EYS: variants seen among roughly 807,000 people sequenced by gnomAD.
The protein encoded by EYS is protein eyes shut homolog.
EYS carries 250 observed loss-of-function variants against 282.1 expected under a neutral mutation model. That is an observed-to-expected ratio of 0.89 (90% CI 0.80 to 0.98). The LOEUF is 0.98. EYS is among the 50% of genes least tolerant of loss of function. The probability of loss-of-function intolerance (pLI) is 0.00; values close to 1 mark genes in which losing one functional copy is unlikely to be tolerated. For synonymous variants in EYS, 1,355 were observed against 1,282.9 expected (o/e 1.06, Z -1.20); for missense variants, 4,016 against 3,709.0 (o/e 1.08, Z -2.15).
chr6:64,204,613 A>G (rs1282532567), intron 31 of EYS, among the ~76,000 whole-genome samples: 1 of 152,200 alleles, frequency 6.6e-6, no homozygotes, highest in Non-Finnish European at 1.5e-5. Flanking sequence ...ACTATATAGT[A>G]GTTTCATTTA....
intron 8 of EYS, among the ~76,000 whole-genome samples, chr6:65,384,067 T>C (rs1276168512): frequency 6.6e-6 from 1 of 151,908 alleles, no homozygotes; most frequent in Non-Finnish European, 1.5e-5. Context: ...CTAGACTGAT[T>C]TTATTTCTCA....
At chr6:65,371,708 C>CT (rs1765145900) in intron 8 of EYS, among the ~76,000 whole-genome samples, 1 of 119,118 alleles carries the variant, frequency 8.4e-6, no homozygotes, top group African/African-American at 3.5e-5. Context: ...TCTCTCTCTC[C>CT]CTCTCTCTCT....
rs79923840 is a variant in EYS at position 64,871,200 on chromosome 6, A to G, written c.2992+15497T>C. Among the ~76,000 whole-genome samples the G allele has an allele frequency of 4.1e-3, 617 of 151,958 alleles. 3 individuals are homozygous for G. The highest frequency in any genetic ancestry group is 7.0e-3 in the Non-Finnish European group (477 of 67,868). ...ACATCTAATAAATATCTTTTACATA[A>G]TATTATTTGCATAACATGCCATTTG... On this transcript the variant is annotated intron_variant, in intron 19 of 42. Transcript: ENST00000503581.
intron 13 of EYS, among the ~76,000 whole-genome samples, chr6:65,002,254 T>C (rs1347633189): frequency 6.8e-6 from 1 of 147,610 alleles, no homozygotes; most frequent in Non-Finnish European, 1.5e-5. Flanking sequence ...TCAGAAATGA[T>C]ACAATACTGA....
chr6:64,742,412 G>T (rs1772407195), intron 22 of EYS, among the ~76,000 whole-genome samples: 1 of 152,114 alleles, frequency 6.6e-6, no homozygotes, highest in Non-Finnish European at 1.5e-5. Flanking sequence ...TTACCAAAAA[G>T]TGACCCAGAA....
At chr6:64,519,594 G>A (rs959792323) in intron 26 of EYS, among the ~76,000 whole-genome samples, 1 of 151,734 alleles carries the variant, frequency 6.6e-6, no homozygotes, top group African/African-American at 2.4e-5. Flanking sequence ...AACAGAGGAA[G>A]GCACTCAATG....
intron 11 of EYS, among the ~76,000 whole-genome samples, chr6:65,298,217 A>G (rs1326173086): frequency 6.6e-6 from 1 of 152,074 alleles, no homozygotes; most frequent in African/African-American, 2.4e-5. Context: ...CATTGAGAAT[A>G]TTTTTGAAAA....
intron 12 of EYS, among the ~76,000 whole-genome samples, chr6:65,172,743 C>T (rs553627443): frequency 1.3e-4 from 19 of 151,352 alleles, no homozygotes; most frequent in Middle Eastern, 3.4e-3. Context: ...TGAGAGAACA[C>T]TTTGATAACA....
At chr6:65,570,549 G>C (rs773082536) in intron 2 of EYS, among the ~76,000 whole-genome samples, 20 of 152,048 alleles carry the variant, frequency 1.3e-4, no homozygotes, top group African/African-American at 4.3e-4. Context: ...CTCATGCTGG[G>C]TTTATAGATT....
chr6:65,096,601 T>C (rs776805711), intron 12 of EYS, among the ~76,000 whole-genome samples: 2 of 150,956 alleles, frequency 1.3e-5, no homozygotes, highest in African/African-American at 2.4e-5. Flanking sequence ...TACAAAGCTA[T>C]GACAATTAAA....
chr6:63,798,315 CAA>C (rs1475417805), intron 37 of EYS, among the ~76,000 whole-genome samples: 1 of 152,076 alleles, frequency 6.6e-6, no homozygotes, highest in African/African-American at 2.4e-5. Context: ...TTAAAAGACT[CAA>C]ATAATTTAAA....
At chr6:65,675,236 T>C (rs773313516) in intron 1 of EYS, among the ~76,000 whole-genome samples, 17 of 151,784 alleles carry the variant, frequency 1.1e-4, no homozygotes, top group Non-Finnish European at 2.1e-4. Context: ...CAATGAATAA[T>C]ATGGCAATAA....
At chr6:65,284,688 C>T (rs1768311779) in intron 12 of EYS, among the ~76,000 whole-genome samples, 1 of 151,986 alleles carries the variant, frequency 6.6e-6, no homozygotes, top group Non-Finnish European at 1.5e-5. Flanking sequence ...ACTATGGCCT[C>T]ATTATACTTG....
At chr6:63,791,425 A>C (rs1770507948) in intron 37 of EYS, among the ~76,000 whole-genome samples, 1 of 151,982 alleles carries the variant, frequency 6.6e-6, no homozygotes, top group Admixed American at 6.6e-5. Context: ...ATACAAAAAC[A>C]AAATTAGCCG....
At chr6:64,234,644 C>T (rs1766527449) in intron 30 of EYS, among the ~76,000 whole-genome samples, 1 of 152,078 alleles carries the variant, frequency 6.6e-6, no homozygotes, top group African/African-American at 2.4e-5. Context: ...CACAATCTAG[C>T]TTTATATTTT....
rs549627113 is a variant in EYS, at chr6:64,900,335, AC to A, written c.2846+1777del. ...CATAGGCAGGGGCAAAGACTTCATG[AC>A]TAAAACACCAAAAGCAATGGCAACA... On this transcript the variant is annotated intron_variant, in intron 18 of 42. Transcript: ENST00000503581. Among the ~76,000 whole-genome samples, 13 of 152,280 alleles carry A rather than the reference AC, an allele frequency of 8.5e-5. No homozygotes were observed. The South Asian group carries it at 2.7e-3, about 32-fold the overall frequency.
At chr6:65,335,172 G>T (rs748446989) in intron 10 of EYS, 26 bp from the exon 11 acceptor site, 3 of 1,515,274 alleles carry the variant, frequency 2.0e-6, no homozygotes, top group Non-Finnish European at 1.8e-6. Flanking sequence ...AAGTAAAAAT[G>T]TTATGAATTC....
intron 13 of EYS, among the ~76,000 whole-genome samples, chr6:65,018,524 A>T (rs572682081): frequency 1.3e-5 from 2 of 152,344 alleles, no homozygotes; most frequent in African/African-American, 4.8e-5. Flanking sequence ...TTAACAAATT[A>T]CATCTGAACT....
rs1344728996 is a variant in EYS at position 64,489,074 on chromosome 6, T to C, written c.5645-49722A>G. Among the ~76,000 whole-genome samples the C allele has an allele frequency of 6.6e-5, 10 of 150,948 alleles. No homozygotes were observed. In the Admixed American group the frequency reaches 6.6e-4, roughly 10 times the overall value. On this transcript the variant is annotated intron_variant, in intron 26 of 42. Coordinates refer to ENST00000503581, the MANE Select transcript of EYS (RefSeq NM_001142800.2). ...AGAATGATGAAAAAATGCTGTCTCA[T>C]AGAAAGACAAAAGAACTATGAAGAA...
Sources: allele counts gnomAD v4.1 joint callset (sites outside exome capture counted in the v4.1 genomes callset), GRCh38; gene constraint gnomAD v4.1.1; transcripts MANE v1.5; gene names NCBI Gene and HGNC (gene_info 2026-07-23, HGNC 2026-07-21).